The following MYO7B variants were observed in gnomAD, a reference collection of about 807,000 sequenced individuals.
The protein encoded by MYO7B is unconventional myosin-VIIb.
In MYO7B, 212 loss-of-function variants were observed where a neutral mutation model predicts 259.7. That is an observed-to-expected ratio of 0.82 (90% confidence interval 0.73 to 0.91). The LOEUF (loss-of-function observed/expected upper bound fraction) is 0.91, where lower values mean the gene tolerates loss of function less well. Among genes scored for constraint, MYO7B ranks in the 40% least tolerant of loss-of-function variants. MYO7B has a pLI of 0.00. For synonymous variants in MYO7B, 1,197 were observed against 1,166.4 expected (o/e 1.03, Z -0.54); for missense variants, 2,732 against 2,813.5 (o/e 0.97, Z 0.66).
Position 127,584,180 on chromosome 2 carries a change from C to G in MYO7B, c.1402C>G (p.His468Asp). 6.2e-7 allele frequency: 1 copy of G among 1,613,988 alleles called. No homozygotes were observed. The highest frequency in any genetic ancestry group is 1.1e-5 in the South Asian group (1 of 91,082). Residue 468 changes from histidine to aspartate, a missense_variant, in exon 13 of 48, where the codon CAC (histidine) becomes GAC (aspartate). By Grantham distance (81) the His-to-Asp change is moderately conservative (BLOSUM62 -1). This residue lies in a region of MYO7B where 1,906 missense variants were observed against 2,026.4 expected (regional missense o/e 0.94). Transcript: ENST00000409816. This position sits in a 1 kb window ranked among gnomAD's most constrained non-coding sequence, Gnocchi z 5.8. ...GCACCTGCAGCAGTTCTTTGTGCAGCACGTGTTCACCATGGAGCAAGAGGA... is the reference window on the plus strand; with the variant it reads ...GCACCTGCAGCAGTTCTTTGTGCAGGACGTGTTCACCATGGAGCAAGAGGA... ...NEHLQQFFVQ[H>D]VFTMEQEEYR...
rs760481737 is a variant in MYO7B, at chr2:127,578,183, C to T, written c.900C>T (p.His300=). ...EGLNDAKDYA[H]IRSAMKILQF... The stretch of plus-strand genomic sequence containing the variant: ...TCAACGACGCCAAGGACTACGCCCA[C>T]ATCCGCTCGGCCATGAAGATCCTCC... Residue 300 remains histidine (H), a synonymous_variant, in exon 9 of 48, where the codon CAC becomes CAT. Transcript: ENST00000409816. The T allele has an allele frequency of 2.5e-6, 4 of 1,613,888 alleles. No homozygotes were observed. Among genetic ancestry groups the T allele is most frequent in the South Asian group, 1.1e-5 (1 of 91,066 alleles).
At chr2:127,630,584 GAGAC>G (rs1011704755) in intron 35 of MYO7B, among the ~76,000 whole-genome samples, 190 bp from the exon 36 acceptor site, 1 of 152,188 alleles carries the variant, frequency 6.6e-6, no homozygotes, top group Non-Finnish European at 1.5e-5. Context: ...CAAGGGAAAG[GAGAC>G]AGGCACCAAG....
In MYO7B at chr2:127,609,850, C is replaced by G; in HGVS notation, c.3026C>G (p.Ala1009Gly). Residue 1009 changes from alanine (A) to glycine (G), a missense_variant and splice_region_variant, in exon 24 of 48, where the codon GCC becomes GGC. Coordinates refer to ENST00000409816, the MANE Select transcript of MYO7B (RefSeq NM_001393586.1). The surrounding 1 kb of genome is among the most constrained non-coding windows in gnomAD (Gnocchi z 6.9). ...GGGCCTTCTGTCTTGTTTCCCCAGGCCGCCCTGGTCATATGGAACGTCATC... is the reference window on the plus strand; with the variant it reads ...GGGCCTTCTGTCTTGTTTCCCCAGGGCGCCCTGGTCATATGGAACGTCATC... ...LYHEDDTDCL[A>G]ALVIWNVILR... 1 of 1,613,528 alleles carries G rather than the reference C, an allele frequency of 6.2e-7. No homozygotes were observed. The highest frequency in any genetic ancestry group is 8.5e-7 in the Non-Finnish European group (1 of 1,179,642).
chr2:127,596,561 CG>C lies in MYO7B; in HGVS notation c.2339+7del. ...CCTTCGGGGCTACAGATACAGGTGC[CG>C]GCCCCACCCCAAGGCCCACCCAGCC... On this transcript the variant is annotated splice_donor_region_variant and intron_variant, in intron 19 of 47. Coordinates refer to ENST00000409816, the MANE Select transcript of MYO7B (RefSeq NM_001393586.1). 1 of 1,606,738 alleles carries C rather than the reference CG, an allele frequency of 6.2e-7. No individual in the cohort carries two copies. The highest frequency in any genetic ancestry group is 8.5e-7 in the Non-Finnish European group (1 of 1,176,874).
In MYO7B at chr2:127,609,054, A is replaced by G. The variant is rs1447092576; in HGVS notation, c.2814+176A>G. On this transcript the variant is annotated intron_variant, in intron 22 of 47. Coordinates refer to ENST00000409816, the MANE Select transcript of MYO7B (RefSeq NM_001393586.1). The surrounding 1 kb of genome is among the most constrained non-coding windows in gnomAD (Gnocchi z 6.9). ...GAGCGTGCGTGGGTTCTGTGGTCAA[A>G]GCCTTCGAGTCAGGCAGGCTTCCCA... Among the ~76,000 whole-genome samples the G allele has an allele frequency of 6.6e-6, 1 of 152,168 alleles. No homozygotes were observed. The highest frequency in any genetic ancestry group is 6.5e-5 in the Admixed American group (1 of 15,280).
chr2:127,539,953 A>C lies in MYO7B; in HGVS notation c.-24+4122A>C, dbSNP rs1692938838. 6.6e-6 allele frequency among the ~76,000 whole-genome samples: 1 copy of C among 152,184 alleles called. No homozygotes were observed. The highest frequency in any genetic ancestry group is 2.4e-5 in the African/African-American group (1 of 41,436). ...ATATTTGGTTTTCCATTTCTGAGTT[A>C]CTTCACTTAGAATAATGGCCTCCAG... On this transcript the variant is annotated intron_variant, in intron 1 of 47. Transcript: ENST00000409816. This position sits in a 1 kb window ranked among gnomAD's most constrained non-coding sequence, Gnocchi z 4.0.
chr2:127,569,945 A>G (rs1349644501), intron 6 of MYO7B, 35 bp downstream of exon 6: 2 of 1,592,360 alleles, frequency 1.3e-6, no homozygotes, highest in Non-Finnish European at 1.7e-6. Context: ...CTTCTCCCCC[A>G]GCCCCCCTGG....
intron 34 of MYO7B, among the ~76,000 whole-genome samples, chr2:127,629,019 G>A (rs1177629839): frequency 6.6e-6 from 1 of 152,226 alleles, no homozygotes; most frequent in Non-Finnish European, 1.5e-5. Flanking sequence ...GAGCTGGGCT[G>A]TGTCTGTGGG....
In MYO7B at chr2:127,565,252, AG is replaced by A. The variant is rs1370069865; in HGVS notation, c.154del (p.Asp52ThrfsTer19). The stretch of plus-strand genomic sequence containing the variant: ...TTCCAGGAACACTGGATCCGAGCAG[AG>A]GACTTTGGTGTCCTCAGTCCCATGC... ...DEGKEHWIRA[E>X]DFGVLSPMHP... is the part of the protein sequence containing the mutation. On this transcript the variant is annotated frameshift_variant, in exon 4 of 48. Coordinates refer to ENST00000409816, the MANE Select transcript of MYO7B (RefSeq NM_001393586.1). LOFTEE classifies it high-confidence loss of function. 6.2e-7 allele frequency: 1 copy of A among 1,613,886 alleles called. No homozygotes were observed. Among genetic ancestry groups the A allele is most frequent in the Admixed American group, 1.7e-5 (1 of 60,010 alleles).
At chr2:127,552,469 C>A (rs961165049) in intron 1 of MYO7B, among the ~76,000 whole-genome samples, 6 of 152,132 alleles carry the variant, frequency 3.9e-5, no homozygotes, top group Non-Finnish European at 8.8e-5. Context: ...GAGGCCACAG[C>A]TTCTGAAGCG....
chr2:127,596,603 T>G (rs1679779466), intron 19 of MYO7B, 47 bp downstream of exon 19: 1 of 1,482,974 alleles, frequency 6.7e-7, no homozygotes. Context: ...CTGCCCACAG[T>G]GTCCCCACAC....
At chr2:127,604,562 C>T (rs935862242) in intron 19 of MYO7B, among the ~76,000 whole-genome samples, 2 of 152,208 alleles carry the variant, frequency 1.3e-5, no homozygotes, top group African/African-American at 2.4e-5. Context: ...GGCTGTTTCG[C>T]GCAAGAGACC....
chr2:127,579,815 A>T (rs916765656), intron 9 of MYO7B, among the ~76,000 whole-genome samples: 2 of 152,114 alleles, frequency 1.3e-5, no homozygotes, highest in African/African-American at 4.8e-5. Context: ...CGAACTCCCA[A>T]CCTCAGGTGA....
At chr2:127,601,096 T>C (rs1478663658) in intron 19 of MYO7B, among the ~76,000 whole-genome samples, 6 of 152,238 alleles carry the variant, frequency 3.9e-5, no homozygotes, top group African/African-American at 9.6e-5. Flanking sequence ...TTTAGAAGTA[T>C]GTTGTTTGGT....
Position 127,578,227 on chromosome 2 carries a change from G to C in MYO7B, c.944G>C (p.Ser315Thr), listed in dbSNP as rs758148790. 8 of 1,613,870 alleles carry C rather than the reference G, an allele frequency of 5.0e-6. No individual in the cohort carries two copies. In the East Asian group the frequency reaches 1.6e-4, roughly 31 times the overall value. ...MKILQFSDSE[S>T]WDVIKLLAAI... Reference sequence around the variant, plus strand: ...ATCCTCCAGTTCTCCGACTCCGAGAGCTGGGACGTCATCAAGCTGCTGGCT... The same window carrying C: ...ATCCTCCAGTTCTCCGACTCCGAGACCTGGGACGTCATCAAGCTGCTGGCT... The change falls in exon 9 of 48, where the codon AGC becomes ACC. Residue 315 changes from serine (S) to threonine (T), a missense_variant. By Grantham distance (58) the Ser-to-Thr change is moderately conservative (BLOSUM62 1). Around this residue, in one of 3 missense-constraint regions of MYO7B, gnomAD observed 1,906 missense variants for 2,026.4 expected, o/e 0.94. Coordinates refer to ENST00000409816, the MANE Select transcript of MYO7B (RefSeq NM_001393586.1).
At chr2:127,566,293 C>T (rs1326099072) in intron 4 of MYO7B, among the ~76,000 whole-genome samples, 1 of 152,194 alleles carries the variant, frequency 6.6e-6, no homozygotes, top group Non-Finnish European at 1.5e-5. Flanking sequence ...GTTGACCAGC[C>T]TATATGAAAG....
At chr2:127,620,492 GGGCA>G in intron 27 of MYO7B, 26 bp downstream of exon 27, 6 of 1,521,800 alleles carry the variant, frequency 3.9e-6, no homozygotes, top group East Asian at 2.3e-5. Flanking sequence ...AAGGGAGGGC[GGGCA>G]GGGGGCAGGT....
intron 19 of MYO7B, among the ~76,000 whole-genome samples, chr2:127,604,489 A>T (rs557428356): frequency 2.0e-5 from 3 of 152,178 alleles, no homozygotes; most frequent in Non-Finnish European, 2.9e-5. Context: ...CTCATCATTC[A>T]TGTGTTCACT....
rs542038464 is a variant in MYO7B, at chr2:127,634,475, G to A, written c.5626-121G>A. 1.8e-4 allele frequency: 170 copies of A among 950,200 alleles called. 1 individual carries two copies. The highest frequency in any genetic ancestry group is 3.6e-5 in the Non-Finnish European group (22 of 613,230). The allele number at this position is 950,200 out of a possible 1,614,324, so 58.9% of individuals were successfully genotyped here. ...CCAGCTCCACACGCCAATAGCCCAC[G>A]CACAGCCGACTCCAGCGCAGCACCC... On this transcript the variant is annotated intron_variant, in intron 41 of 47. Coordinates refer to ENST00000409816, the MANE Select transcript of MYO7B (RefSeq NM_001393586.1).
Sources: allele counts gnomAD v4.1 joint callset (sites outside exome capture counted in the v4.1 genomes callset), GRCh38; gene constraint gnomAD v4.1.1; regional missense constraint gnomAD v4.1.1; non-coding constraint Gnocchi (gnomAD v3.1); transcripts MANE v1.5; gene names NCBI Gene and HGNC (gene_info 2026-07-23, HGNC 2026-07-21).